CNTN5: variants seen among roughly 807,000 people sequenced by gnomAD.
CNTN5 encodes the protein contactin-5.
CNTN5 carries 77 observed loss-of-function variants against 129.1 expected under a neutral mutation model. The ratio of observed to expected loss-of-function variants is 0.60; its 90% CI spans 0.50 to 0.72. The LOEUF (loss-of-function observed/expected upper bound fraction) is 0.72. Ranked by LOEUF, CNTN5 falls within the 30% of genes least tolerant of loss-of-function variation. The pLI, the probability that CNTN5 is intolerant of heterozygous loss-of-function variation, is 0.00. For synonymous variants in CNTN5, 509 were observed against 465.6 expected (o/e 1.09, Z -1.20); for missense variants, 1,478 against 1,328.8 (o/e 1.11, Z -1.75).
chr11:99,187,404 CAAATTAATACAAATTACAATTTGTT>C (rs1375069756), intron 1 of CNTN5, among the ~76,000 whole-genome samples: 2 of 150,342 alleles, frequency 1.3e-5, no homozygotes, highest in East Asian at 3.9e-4. Context: ...TTACAATTTA[CAAATTAATACAAATTACAATTTGTT>C]ATATTAATAC....
chr11:99,350,026 A>AT, intron 2 of CNTN5, among the ~76,000 whole-genome samples: 1 of 152,142 alleles, frequency 6.6e-6, no homozygotes, highest in Admixed American at 6.5e-5. Context: ...GTGGAAGAAT[A>AT]TTTTTTTCAA....
chr11:99,410,103 A>G (rs1239826534), intron 2 of CNTN5, among the ~76,000 whole-genome samples: 3 of 152,222 alleles, frequency 2.0e-5, no homozygotes, highest in African/African-American at 7.2e-5. Flanking sequence ...TATTTATAAG[A>G]TGATTATCAA....
intron 1 of CNTN5, among the ~76,000 whole-genome samples, chr11:99,212,666 A>T (rs897852447): frequency 7.9e-5 from 12 of 152,166 alleles, no homozygotes; most frequent in South Asian, 4.1e-4. Flanking sequence ...ATATAATTTT[A>T]AAAAATATTT....
At chr11:99,863,355 A>G (rs1423440568) in intron 6 of CNTN5, among the ~76,000 whole-genome samples, 1 of 152,136 alleles carries the variant, frequency 6.6e-6, no homozygotes, top group Non-Finnish European at 1.5e-5. Flanking sequence ...TTCAGGTAGG[A>G]GGATTTGCCA....
At position 99,456,785 on chromosome 11, in the gene CNTN5, A is replaced by T. The variant is rs138796613; in HGVS notation, c.-70-99360A>T. 3.2e-3 allele frequency among the ~76,000 whole-genome samples: 494 copies of T among 152,222 alleles called. 4 individuals are homozygous for T. Among genetic ancestry groups the T allele is most frequent in the African/African-American group, 0.011 (470 of 41,560 alleles). Reference sequence around the variant, plus strand: ...AATGACTGAATATGCCTAATTATTAATATATAGCAATATCACCTCTGAAGT... The same window carrying T: ...AATGACTGAATATGCCTAATTATTATTATATAGCAATATCACCTCTGAAGT... On this transcript the variant is annotated intron_variant, in intron 2 of 24. Transcript: ENST00000524871.
intron 2 of CNTN5, among the ~76,000 whole-genome samples, chr11:99,447,261 T>G (rs1406299535): frequency 1.3e-5 from 2 of 152,242 alleles, no homozygotes; most frequent in Non-Finnish European, 2.9e-5. Flanking sequence ...TTAGAATGTT[T>G]GCTATAATTA....
intron 21 of CNTN5, chr11:100,309,703 T>C: frequency 2.0e-6 from 2 of 984,906 alleles, no homozygotes; most frequent in Non-Finnish European, 2.4e-6. Context: ...AATGAATAAA[T>C]GTTTGTGTGG....
intron 9 of CNTN5, among the ~76,000 whole-genome samples, chr11:100,052,923 A>G (rs916114202): frequency 6.6e-6 from 1 of 151,786 alleles, no homozygotes; most frequent in Admixed American, 6.6e-5. Flanking sequence ...TCTAAAGTCC[A>G]TCAAAAAAAT....
chr11:100,329,830 G>A (rs571395076), intron 21 of CNTN5, among the ~76,000 whole-genome samples: 24 of 152,246 alleles, frequency 1.6e-4, no homozygotes, highest in African/African-American at 5.1e-4. Flanking sequence ...GAATAGCAAC[G>A]CTTTAATCCC....
At chr11:99,462,872 G>A (rs1159974051) in intron 2 of CNTN5, among the ~76,000 whole-genome samples, 3 of 152,010 alleles carry the variant, frequency 2.0e-5, no homozygotes, top group African/African-American at 7.3e-5. Flanking sequence ...ATCATTTGAG[G>A]TTAGGAGTTC....
chr11:99,376,718 G>A (rs1288225157), intron 2 of CNTN5, among the ~76,000 whole-genome samples: 1 of 152,146 alleles, frequency 6.6e-6, no homozygotes, highest in African/African-American at 2.4e-5. Flanking sequence ...TACAAAGGAG[G>A]AAGTAACATA....
At chr11:99,557,201 G>T (rs1948701156) in intron 3 of CNTN5, among the ~76,000 whole-genome samples, 1 of 150,830 alleles carries the variant, frequency 6.6e-6, no homozygotes, top group Non-Finnish European at 1.5e-5. Flanking sequence ...TATTCATTTT[G>T]ATATATATGA....
chr11:100,313,613 C>T (rs1050416194), intron 21 of CNTN5, among the ~76,000 whole-genome samples: 2 of 151,894 alleles, frequency 1.3e-5, no homozygotes, highest in African/African-American at 4.8e-5. Context: ...ATTGAGAGAA[C>T]AGGGCTGAAA....
chr11:99,819,833 G>C, intron 4 of CNTN5, 68 bp downstream of exon 4: 2 of 493,810 alleles, frequency 4.1e-6, no homozygotes, highest in Admixed American at 8.1e-5. Flanking sequence ...TAATACTGTT[G>C]CAACAGAGAT....
At chr11:99,436,078 G>A (rs752182648) in intron 2 of CNTN5, among the ~76,000 whole-genome samples, 3 of 151,994 alleles carry the variant, frequency 2.0e-5, no homozygotes, top group African/African-American at 2.4e-5. Flanking sequence ...ATATTACAAC[G>A]CTACCAAAGA....
intron 3 of CNTN5, among the ~76,000 whole-genome samples, chr11:99,660,039 G>C (rs1952538343): frequency 6.6e-6 from 1 of 152,016 alleles, no homozygotes; most frequent in African/African-American, 2.4e-5. Flanking sequence ...TTGGTTACCA[G>C]TATGCAGAAA....
chr11:100,197,308 A>T (rs1948664239), intron 15 of CNTN5, among the ~76,000 whole-genome samples: 1 of 151,958 alleles, frequency 6.6e-6, no homozygotes, highest in South Asian at 2.1e-4. Flanking sequence ...ATAAAATTTG[A>T]TTTGTATTTT....
At chr11:99,775,503 T>A (rs547394078) in intron 3 of CNTN5, among the ~76,000 whole-genome samples, 73 of 152,084 alleles carry the variant, frequency 4.8e-4, no homozygotes, top group African/African-American at 1.7e-3. Flanking sequence ...AGAGCTTTGG[T>A]CAAACAAAAA....
chr11:100,126,557 C>T (rs1315133151), intron 13 of CNTN5, among the ~76,000 whole-genome samples: 2 of 151,530 alleles, frequency 1.3e-5, no homozygotes, highest in Admixed American at 1.3e-4. Context: ...TTTTTAAAAT[C>T]GTTATTGGTT....
Sources: allele counts gnomAD v4.1 joint callset (sites outside exome capture counted in the v4.1 genomes callset), GRCh38; gene constraint gnomAD v4.1.1; transcripts MANE v1.5; gene names NCBI Gene and HGNC (gene_info 2026-07-23, HGNC 2026-07-21).